Variants in CSMD3 observed in about 807,000 individuals in gnomAD.
CSMD3 encodes CUB and Sushi multiple domains 3, also known as CUB and sushi domain-containing protein 3.
CSMD3 carries 177 observed loss-of-function variants against 435.2 expected under a neutral mutation model. That is an observed-to-expected ratio of 0.41 (90% CI 0.36 to 0.46). The LOEUF (loss-of-function observed/expected upper bound fraction) is 0.46. Ranked by LOEUF, CSMD3 falls within the 20% of genes least tolerant of loss-of-function variation. The pLI, the probability that CSMD3 is intolerant of heterozygous loss-of-function variation, is 0.34. For synonymous variants in CSMD3, 1,656 were observed against 1,520.5 expected, an observed-to-expected ratio of 1.09 and a Z score of -2.07; for missense variants, 4,265 against 4,504.6, an observed-to-expected ratio of 0.95 and a Z score of 1.52.
At chr8:112,568,324 G>T (rs1476830662) in intron 24 of CSMD3, among the ~76,000 whole-genome samples, 2 of 152,096 alleles carry the variant, frequency 1.3e-5, no homozygotes, top group African/African-American at 4.8e-5. Flanking sequence ...CTGGCATGGT[G>T]GCTCACACCT....
intron 4 of CSMD3, among the ~76,000 whole-genome samples, chr8:113,114,156 T>C (rs1471162666): frequency 6.6e-6 from 1 of 152,064 alleles, no homozygotes; most frequent in African/African-American, 2.4e-5. Context: ...AAAAAAGATA[T>C]CTAAAGAATG....
intron 10 of CSMD3, among the ~76,000 whole-genome samples, chr8:112,894,220 G>C (rs2081885508): frequency 6.6e-6 from 1 of 151,470 alleles, no homozygotes; most frequent in Non-Finnish European, 1.5e-5. Flanking sequence ...CCTCAACTGT[G>C]AGAGATTCAT....
At chr8:113,274,053 T>C (rs2093550915) in intron 3 of CSMD3, among the ~76,000 whole-genome samples, 1 of 152,038 alleles carries the variant, frequency 6.6e-6, no homozygotes, top group South Asian at 2.1e-4. Flanking sequence ...TTAAATATTT[T>C]TGTAATTTGA....
intron 17 of CSMD3, among the ~76,000 whole-genome samples, chr8:112,664,537 G>T (rs1373734913): frequency 6.6e-6 from 1 of 152,152 alleles, no homozygotes; most frequent in Non-Finnish European, 1.5e-5. Flanking sequence ...AATGCCAAAT[G>T]AATGTAAATG....
At chr8:113,354,776 A>G (rs780951742) in intron 1 of CSMD3, among the ~76,000 whole-genome samples, 32 of 152,012 alleles carry the variant, frequency 2.1e-4, no homozygotes, top group South Asian at 4.2e-4. Flanking sequence ...AATAATTGGG[A>G]CTACAAGCGT....
At chr8:112,661,103 A>G (rs7003170) in intron 17 of CSMD3, among the ~76,000 whole-genome samples, 82,740 of 152,032 alleles carry the variant, frequency 0.54, 24,034 homozygotes, top group African/African-American at 0.76. Flanking sequence ...AGACTTTCTT[A>G]CTTCTAGCCT....
chr8:113,019,427 T>C (rs1233487235), intron 5 of CSMD3, among the ~76,000 whole-genome samples: 2 of 151,916 alleles, frequency 1.3e-5, no homozygotes, highest in African/African-American at 4.8e-5. Flanking sequence ...TAAGTGCACA[T>C]GATTTTTGAT....
At chr8:112,472,759 C>T (rs2130755641) in intron 31 of CSMD3, 52 bp from the exon 32 acceptor site, 1 of 935,384 alleles carries the variant, frequency 1.1e-6, no homozygotes, top group Non-Finnish European at 1.8e-6. Context: ...TTAAAAAATT[C>T]ATACCATGGT....
chr8:112,829,535 A>G lies in CSMD3; in HGVS notation c.1859+151T>C, dbSNP rs528836327. ...CTTAAATCTCATTGAAGAAGCACTA[A>G]CAGATTCTATGAAAGTTAACAATAA... On this transcript the variant is annotated intron_variant, in intron 12 of 70. Transcript: ENST00000297405. The G allele has an allele frequency of 2.3e-4, 154 of 683,492 alleles. No individual in the cohort carries two copies. In the East Asian group the frequency reaches 4.1e-3, roughly 18 times the overall value. The allele number at this position is 683,492 out of a possible 1,614,324, so 42.3% of individuals were successfully genotyped here.
chr8:112,765,770 T>C lies in CSMD3; in HGVS notation c.1972+34392A>G, dbSNP rs548989733. Among the ~76,000 whole-genome samples the C allele has an allele frequency of 2.2e-4, 34 of 151,886 alleles. No homozygotes were observed. The East Asian group carries it at 4.7e-3, about 21-fold the overall frequency. On this transcript the variant is annotated intron_variant, in intron 13 of 70. Coordinates refer to ENST00000297405, the MANE Select transcript of CSMD3 (RefSeq NM_198123.2). Reference sequence around the variant, plus strand: ...CCAGCTCCTTTCTTTGCATCTGGATTGCAACTCTGCGGTCCTGTATTTCTA... The same window carrying C: ...CCAGCTCCTTTCTTTGCATCTGGATCGCAACTCTGCGGTCCTGTATTTCTA...
intron 17 of CSMD3, among the ~76,000 whole-genome samples, chr8:112,658,546 CT>C (rs1252943116): frequency 1.3e-5 from 2 of 152,090 alleles, no homozygotes; most frequent in Non-Finnish European, 2.9e-5. Context: ...TATTTTACTT[CT>C]AATTTTGTGA....
At chr8:113,303,321 A>C (rs2093789388) in intron 2 of CSMD3, among the ~76,000 whole-genome samples, 1 of 146,906 alleles carries the variant, frequency 6.8e-6, no homozygotes, top group Non-Finnish European at 1.5e-5. Flanking sequence ...AATATCGTGA[A>C]AATGGCCATA....
At chr8:112,472,806 T>A in intron 31 of CSMD3, 99 bp from the exon 32 acceptor site, 2 of 712,620 alleles carry the variant, frequency 2.8e-6, no homozygotes, top group Non-Finnish European at 5.1e-6. Flanking sequence ...GCTAATGGAA[T>A]TTAAGGTGTA....
chr8:113,122,410 G>A (rs904734955), intron 4 of CSMD3, among the ~76,000 whole-genome samples: 1 of 152,030 alleles, frequency 6.6e-6, no homozygotes, highest in Non-Finnish European at 1.5e-5. Flanking sequence ...GGGAACCTAT[G>A]AATATGTTAC....
intron 14 of CSMD3, among the ~76,000 whole-genome samples, chr8:112,688,395 C>T (rs575015317): frequency 6.6e-6 from 1 of 152,216 alleles, no homozygotes; most frequent in Admixed American, 6.5e-5. Flanking sequence ...AAGCACTTTG[C>T]TTTTACAAAA....
At chr8:113,033,822 T>G (rs2087227185) in intron 5 of CSMD3, among the ~76,000 whole-genome samples, 1 of 151,478 alleles carries the variant, frequency 6.6e-6, no homozygotes, top group Non-Finnish European at 1.5e-5. Flanking sequence ...AATGTCATTT[T>G]GAATTGTAAT....
intron 23 of CSMD3, among the ~76,000 whole-genome samples, chr8:112,573,961 T>C (rs1829738137): frequency 6.6e-6 from 1 of 151,994 alleles, no homozygotes; most frequent in Admixed American, 6.6e-5. Flanking sequence ...TAAGAATACC[T>C]ACCTAAAGAT....
At chr8:112,340,379 T>C (rs527996162) in intron 42 of CSMD3, among the ~76,000 whole-genome samples, 2 of 152,326 alleles carry the variant, frequency 1.3e-5, no homozygotes, top group African/African-American at 4.8e-5. Context: ...ATACAAATTA[T>C]AATTATTTCA....
intron 13 of CSMD3, among the ~76,000 whole-genome samples, chr8:112,772,550 C>T (rs562946948): frequency 2.0e-4 from 30 of 152,086 alleles, no homozygotes; most frequent in Admixed American, 1.2e-3. Context: ...AATATGGCCT[C>T]GTGGGAAGGG....
Sources: gnomAD v4.1 joint callset for allele counts (sites outside exome capture counted in the v4.1 genomes callset) on GRCh38, gnomAD v4.1.1 for gene constraint, MANE v1.5 for transcripts, NCBI Gene and HGNC (gene_info 2026-07-23, HGNC 2026-07-21) for gene names.